The following TCAF1 variants were observed in gnomAD, a reference collection of about 807,000 sequenced individuals.
TCAF1 encodes TRPM8 channel-associated factor 1.
A neutral mutation model predicts 27.3 loss-of-function variants in TCAF1; 4 were observed. The ratio of observed to expected loss-of-function variants is 0.15; its 90% CI spans 0.07 to 0.34. TCAF1 has a LOEUF of 0.34. Among genes scored for constraint, TCAF1 ranks in the 10% least tolerant of loss-of-function variants. TCAF1 has a pLI of 1.00. For synonymous variants in TCAF1, 105 were observed against 167.1 expected (o/e 0.63, Z 2.87); for missense variants, 257 against 425.8 (o/e 0.60, Z 3.49).
chr7:143,897,704 T>C (rs994191717), intron 1 of TCAF1, among the ~76,000 whole-genome samples: 1 of 152,126 alleles, frequency 6.6e-6, no homozygotes, highest in African/African-American at 2.4e-5. Flanking sequence ...ACTGACTCCA[T>C]AGGAAAACCT....
intron 1 of TCAF1, among the ~76,000 whole-genome samples, chr7:143,884,737 T>C (rs1369965174): frequency 6.8e-6 from 1 of 146,020 alleles, no homozygotes; most frequent in Non-Finnish European, 1.5e-5. Flanking sequence ...GTGTTTTATT[T>C]CTTAGAAAGA....
intron 1 of TCAF1, among the ~76,000 whole-genome samples, chr7:143,888,312 G>A (rs948709286): frequency 6.6e-6 from 1 of 152,178 alleles, no homozygotes; most frequent in Non-Finnish European, 1.5e-5. Context: ...TCACCACAAT[G>A]CTTCCACAAA....
At chr7:143,886,612 C>T (rs1813414193) in intron 1 of TCAF1, 3 of 812,500 alleles carry the variant, frequency 3.7e-6, no homozygotes, top group Non-Finnish European at 3.0e-6. Context: ...CAGCCTAAAG[C>T]AGAAAATGGA....
At chr7:143,867,046 GC>G (rs1226227020) in intron 2 of TCAF1, among the ~76,000 whole-genome samples, 88 of 64,308 alleles carry the variant, frequency 1.4e-3, no homozygotes, top group African/African-American at 4.4e-3. Flanking sequence ...TTTTTATGGG[GC>G]CATAGGGCAT....
intron 1 of TCAF1, among the ~76,000 whole-genome samples, chr7:143,901,279 A>C (rs976533383): frequency 6.6e-6 from 1 of 152,252 alleles, no homozygotes; most frequent in African/African-American, 2.4e-5. Context: ...AGACAGACAC[A>C]TTCTGTCCTT....
chr7:143,883,295 G>A (rs1419205099), intron 1 of TCAF1, among the ~76,000 whole-genome samples: 1 of 152,000 alleles, frequency 6.6e-6, no homozygotes, highest in African/African-American at 2.4e-5. Context: ...GTATTATGGT[G>A]GGGAGAAGGG....
At chr7:143,883,599 G>A (rs767046866) in intron 1 of TCAF1, among the ~76,000 whole-genome samples, 20 of 133,364 alleles carry the variant, frequency 1.5e-4, no homozygotes, top group Non-Finnish European at 2.5e-4. Flanking sequence ...TCCGCCTCCC[G>A]AGTTCAAGAG....
chr7:143,886,990 G>A (rs1389834005), intron 1 of TCAF1, among the ~76,000 whole-genome samples: 1 of 150,576 alleles, frequency 6.6e-6, no homozygotes, highest in East Asian at 2.0e-4. Flanking sequence ...ACAGGCATAA[G>A]CCACCCTGTC....
At chr7:143,891,406 A>G (rs934044438) in intron 1 of TCAF1, among the ~76,000 whole-genome samples, 2 of 152,174 alleles carry the variant, frequency 1.3e-5, no homozygotes, top group African/African-American at 4.8e-5. Flanking sequence ...AGGCTGTGGA[A>G]TTTCAGCATA....
intron 1 of TCAF1, among the ~76,000 whole-genome samples, chr7:143,892,528 ATTT>A (rs556518073): frequency 8.0e-5 from 11 of 137,866 alleles, no homozygotes; most frequent in Admixed American, 2.2e-4. Context: ...CTTTAACCCA[ATTT>A]TTTTTTTTTT....
rs201508003 is a variant in TCAF1 at position 143,892,393 on chromosome 7, T to TA, written c.-15+9567dup. Among the ~76,000 whole-genome samples the TA allele has an allele frequency of 9.0e-3, 1,376 of 152,074 alleles. 25 individuals carry two copies. The highest frequency in any genetic ancestry group is 0.031 in the African/African-American group (1,289 of 41,488). The stretch of plus-strand genomic sequence containing the variant: ...ATCTAAAGTAACCATTAAAATAATT[T>TA]AAAAAATTATAATTCAAAATATTGA... On this transcript the variant is annotated intron_variant, in intron 1 of 8. Transcript: ENST00000479870.
intron 1 of TCAF1, among the ~76,000 whole-genome samples, chr7:143,887,415 A>C (rs1272861028): frequency 4.6e-5 from 7 of 152,218 alleles, no homozygotes; most frequent in Non-Finnish European, 1.0e-4. Context: ...AGAAAACATA[A>C]GGACAAATTT....
chr7:143,891,479 T>A (rs1434853048), intron 1 of TCAF1, among the ~76,000 whole-genome samples: 1 of 152,032 alleles, frequency 6.6e-6, no homozygotes, highest in African/African-American at 2.4e-5. Flanking sequence ...ATAATTAAAA[T>A]TGGTACTTAA....
At chr7:143,889,996 CT>C (rs567644780) in intron 1 of TCAF1, among the ~76,000 whole-genome samples, 24 of 145,338 alleles carry the variant, frequency 1.7e-4, no homozygotes, top group East Asian at 6.2e-4. Flanking sequence ...ACCCATTTTT[CT>C]TTTTTTTTTG....
intron 1 of TCAF1, among the ~76,000 whole-genome samples, chr7:143,878,671 T>G (rs144298668): frequency 1.3e-5 from 2 of 152,190 alleles, no homozygotes; most frequent in South Asian, 2.1e-4. Flanking sequence ...GATACTGATA[T>G]GAACATTTGG....
chr7:143,878,626 T>C (rs1812850720), intron 1 of TCAF1, among the ~76,000 whole-genome samples: 1 of 152,344 alleles, frequency 6.6e-6, no homozygotes, highest in Admixed American at 6.5e-5. Flanking sequence ...AACAGAAGCA[T>C]TAATGACCTA....
chr7:143,882,639 G>GCAACCCCCCCCCCCCCC, intron 1 of TCAF1: 1 of 967,826 alleles, frequency 1.0e-6, no homozygotes, highest in Non-Finnish European at 1.2e-6. Context: ...CCCCGCCCCG[G>GCAACCCCCCCCCCCCCC]CCTCCCGCCC....
Position 143,876,167 on chromosome 7 carries a change from A to T in TCAF1, c.442T>A (p.Leu148Met). The change falls in exon 2 of 9, where the codon TTG (leucine) becomes ATG (methionine). Residue 148 changes from leucine (L) to methionine (M), a missense_variant. Physicochemically the swap from Leu to Met is conservative, Grantham distance 15. Transcript: ENST00000479870. ...LVKFMKCGGGLLIGGQAWDWA... is the reference protein window; with the variant it reads ...LVKFMKCGGGMLIGGQAWDWA... ...TCCCAGGCTTGTCCTCCTATGAGCA[A>T]GCCGCCACCACATTTCATGAACTTG... The T allele has an allele frequency of 6.2e-7, 1 of 1,614,188 alleles. No homozygotes were observed. Among genetic ancestry groups the T allele is most frequent in the East Asian group, 2.2e-5 (1 of 44,880 alleles).
chr7:143,892,651 T>C (rs1813696587), intron 1 of TCAF1, among the ~76,000 whole-genome samples: 1 of 151,860 alleles, frequency 6.6e-6, no homozygotes, highest in African/African-American at 2.4e-5. Context: ...TATTTATAGA[T>C]TGCATGTTTG....
Sources: allele counts gnomAD v4.1 joint callset (sites outside exome capture counted in the v4.1 genomes callset), GRCh38; gene constraint gnomAD v4.1.1; transcripts MANE v1.5; gene names NCBI Gene and HGNC (gene_info 2026-07-23, HGNC 2026-07-21).